Variants in PRKAA2 observed in about 807,000 individuals in gnomAD.
PRKAA2 encodes protein kinase AMP-activated catalytic subunit alpha 2.
Under a neutral mutation model 56.3 loss-of-function variants are expected in PRKAA2, and 40 were observed. The ratio of observed to expected loss-of-function variants is 0.71; its 90% CI spans 0.55 to 0.92. The LOEUF is 0.92. PRKAA2 is among the 40% of genes least tolerant of loss of function. The pLI is 0.00. For missense variants in PRKAA2, 542 were observed against 686.9 expected (o/e 0.79, Z 2.36); for synonymous variants, 214 against 234.2 (o/e 0.91, Z 0.79).
At position 56,645,480 on chromosome 1, in the gene PRKAA2, G is replaced by A. The variant is rs1646632088; in HGVS notation, c.93G>A (p.Lys31=). 3 of 1,489,176 alleles carry A rather than the reference G, an allele frequency of 2.0e-6. No homozygotes were observed. In the South Asian group the frequency reaches 3.7e-5, roughly 18 times the overall value. 92.2% of individuals were successfully genotyped at this position (1,489,176 alleles called of 1,614,324 possible). The change falls in exon 1 of 9, where the codon AAG becomes AAA. Residue 31 remains lysine, a splice_region_variant and synonymous_variant. Transcript: ENST00000371244. The part of the protein sequence containing the change: ...TLGVGTFGKV[K]IGEHQLTGHK... ...GCGTCGGCACCTTCGGCAAAGTGAA[G>A]AGTTGAGTACGCGCTCCGGACCGCT...
chr1:56,653,881 A>G (rs534854773), intron 1 of PRKAA2, among the ~76,000 whole-genome samples: 164 of 152,142 alleles, frequency 1.1e-3, no homozygotes, highest in African/African-American at 3.9e-3. Context: ...CATTATATAT[A>G]TTTTGTATAC....
At chr1:56,672,215 T>A (rs374417786) in intron 1 of PRKAA2, among the ~76,000 whole-genome samples, 1 of 152,130 alleles carries the variant, frequency 6.6e-6, no homozygotes, top group African/African-American at 2.4e-5. Flanking sequence ...CCTCCCAGGC[T>A]CAAGGGATCC....
intron 2 of PRKAA2, among the ~76,000 whole-genome samples, chr1:56,688,175 C>T (rs182934714): frequency 6.6e-5 from 10 of 152,230 alleles, no homozygotes; most frequent in East Asian, 3.9e-4. Context: ...CTTTTTAAGA[C>T]GTCTTCCTTC....
rs545697019 is a variant in PRKAA2, at chr1:56,706,402, G to T, written c.1420+184G>T. On this transcript the variant is annotated intron_variant, in intron 8 of 8. Coordinates refer to ENST00000371244, the MANE Select transcript of PRKAA2 (RefSeq NM_006252.4). ...AGACATGTTGAATACCTCTTACCTG[G>T]CATCTTTCCACAAGAAGTATCTCCG... Among the ~76,000 whole-genome samples the T allele has an allele frequency of 3.3e-5, 5 of 152,298 alleles. 1 individual carries two copies. The highest frequency in any genetic ancestry group is 1.2e-4 in the African/African-American group (5 of 41,570).
rs56161243 is a variant in PRKAA2, at chr1:56,713,782, T to C, written c.*6069T>C. 4.0e-3 allele frequency: 576 copies of C among 142,386 alleles called. 4 individuals carry two copies. Among genetic ancestry groups the C allele is most frequent in the African/African-American group, 0.015 (562 of 37,882 alleles). 8.8% of individuals were successfully genotyped at this position (142,386 alleles called of 1,614,324 possible). A position where few individuals can be genotyped will look rare whatever the true frequency, so the allele number is the denominator to read the frequency against. ...TCACAGTTACACATTTAAGTTTTGC[T>C]ACCAAAAATGGCCATTTTTCTAGAC... On this transcript the variant is annotated 3_prime_UTR_variant, in exon 9 of 9. Coordinates refer to ENST00000371244, the MANE Select transcript of PRKAA2 (RefSeq NM_006252.4).
intron 1 of PRKAA2, among the ~76,000 whole-genome samples, chr1:56,655,265 T>TACATAC (rs1255755451): frequency 1.5e-5 from 1 of 67,008 alleles, no homozygotes; most frequent in Non-Finnish European, 2.8e-5. Flanking sequence ...TGTATTTATA[T>TACATAC]ATCTATATAT....
At chr1:56,670,371 T>C (rs1397137068) in intron 1 of PRKAA2, among the ~76,000 whole-genome samples, 1 of 152,134 alleles carries the variant, frequency 6.6e-6, no homozygotes, top group East Asian at 1.9e-4. Flanking sequence ...AAAAATATGG[T>C]TTTCTCTTTC....
chr1:56,687,313 C>T (rs1200776622), intron 2 of PRKAA2, among the ~76,000 whole-genome samples: 4 of 151,920 alleles, frequency 2.6e-5, no homozygotes, highest in Non-Finnish European at 5.9e-5. Flanking sequence ...TTACATAGAG[C>T]GTGATACCTG....
At chr1:56,700,200 T>A (rs1644285180) in intron 6 of PRKAA2, among the ~76,000 whole-genome samples, 1 of 152,202 alleles carries the variant, frequency 6.6e-6, no homozygotes, top group African/African-American at 2.4e-5. Context: ...CTTTTTTATA[T>A]ATGGCTACTG....
intron 6 of PRKAA2, among the ~76,000 whole-genome samples, chr1:56,698,974 G>A (rs540225851): frequency 1.5e-3 from 233 of 152,148 alleles, no homozygotes; most frequent in African/African-American, 5.3e-3. Flanking sequence ...TAAAGTGAGC[G>A]GTCTGAAGTT....
chr1:56,665,899 C>T (rs576957606), intron 1 of PRKAA2, among the ~76,000 whole-genome samples: 1 of 152,308 alleles, frequency 6.6e-6, no homozygotes, highest in East Asian at 1.9e-4. Flanking sequence ...CGGACCTTGA[C>T]TAAATTGTAG....
intron 5 of PRKAA2, among the ~76,000 whole-genome samples, chr1:56,695,168 A>C (rs115917732): frequency 0.05 from 6,726 of 135,312 alleles, 380 homozygotes; most frequent in African/African-American, 0.14. Context: ...CTCTCTCTCT[A>C]TATATATGAT....
At chr1:56,648,399 TTTTATA>T (rs1315228490) in intron 1 of PRKAA2, among the ~76,000 whole-genome samples, 1 of 152,208 alleles carries the variant, frequency 6.6e-6, no homozygotes, top group East Asian at 1.9e-4. Flanking sequence ...ATTTGTTCCT[TTTTATA>T]GTTGAATAAT....
At chr1:56,691,647 G>A (rs1476385275) in intron 3 of PRKAA2, among the ~76,000 whole-genome samples, 160 bp downstream of exon 3, 1 of 152,142 alleles carries the variant, frequency 6.6e-6, no homozygotes, top group African/African-American at 2.4e-5. Flanking sequence ...TTCTTAAAAA[G>A]CATTCCTTTT....
In PRKAA2 at chr1:56,704,474, A is replaced by G; in HGVS notation, c.1292A>G (p.Lys431Arg). 1 of 1,587,184 alleles carries G rather than the reference A, an allele frequency of 6.3e-7. No homozygotes were observed. Among genetic ancestry groups the G allele is most frequent in the Non-Finnish European group, 8.5e-7 (1 of 1,171,372 alleles). ...ATGAAGCAGCTGGATTTTGAATGGA[A>G]GGTAGGAAATTATAATGTAATAAGA... ...RAMKQLDFEW[K>R]VVNAYHLRVR... is the part of the protein sequence containing the mutation. The change falls in exon 7 of 9, where the codon AAG (lysine) becomes AGG (arginine). Residue 431 changes from lysine to arginine, a missense_variant and splice_region_variant. Lys to Arg is a conservative substitution (Grantham distance 26). Coordinates refer to ENST00000371244, the MANE Select transcript of PRKAA2 (RefSeq NM_006252.4).
intron 1 of PRKAA2, among the ~76,000 whole-genome samples, chr1:56,669,924 T>C (rs1415145840): frequency 6.6e-6 from 1 of 152,214 alleles, no homozygotes; most frequent in Admixed American, 6.5e-5. Context: ...ATTCCTTCTG[T>C]GTGACAATTC....
At chr1:56,705,465 C>T (rs756349929) in intron 7 of PRKAA2, among the ~76,000 whole-genome samples, 31 of 151,972 alleles carry the variant, frequency 2.0e-4, no homozygotes, top group Non-Finnish European at 3.5e-4. Flanking sequence ...AGTGCAGTGG[C>T]GCGATCTTGG....
intron 6 of PRKAA2, among the ~76,000 whole-genome samples, chr1:56,698,218 A>G (rs1418964093): frequency 6.6e-6 from 1 of 151,854 alleles, no homozygotes; most frequent in Non-Finnish European, 1.5e-5. Context: ...CGCCTGGCCA[A>G]TGTTTGGGAA....
At chr1:56,659,276 C>T (rs1383052149) in intron 1 of PRKAA2, among the ~76,000 whole-genome samples, 2 of 151,720 alleles carry the variant, frequency 1.3e-5, no homozygotes, top group Non-Finnish European at 2.9e-5. Context: ...AGGTGAATCA[C>T]ATGAGAGGCC....
Sources: gnomAD v4.1 joint callset for allele counts (sites outside exome capture counted in the v4.1 genomes callset) on GRCh38, gnomAD v4.1.1 for gene constraint, MANE v1.5 for transcripts, NCBI Gene and HGNC (gene_info 2026-07-23, HGNC 2026-07-21) for gene names.